Variants in P2RX5 observed in about 807,000 individuals in gnomAD.
P2RX5 encodes the protein purinergic receptor P2X 5, also known as P2X purinoceptor 5.
In P2RX5, 46 loss-of-function variants were observed where a neutral mutation model predicts 54.1. The observed-to-expected ratio is 0.85, with a 90% CI of 0.67 to 1.09. The LOEUF is 1.09. Among genes scored for constraint, P2RX5 ranks in the 50% least tolerant of loss-of-function variants. The pLI is 0.00. For synonymous variants in P2RX5, 226 were observed against 226.4 expected (o/e 1.00, Z 0.02); for missense variants, 566 against 549.8 (o/e 1.03, Z -0.29).
chr17:3,720,370 A>G, the P2RX5 span: 1 of 1,576,108 alleles, frequency 6.3e-7, no homozygotes, highest in Non-Finnish European at 8.7e-7. Context: ...ATATTTCACC[A>G]AGGATCTGCA....
upstream of P2RX5, among the ~76,000 whole-genome samples, chr17:3,699,305 G>A (rs1333518119): frequency 4.6e-5 from 7 of 151,784 alleles, no homozygotes; most frequent in African/African-American, 1.7e-4. Flanking sequence ...TGAGGCAGGA[G>A]GATCACCTGA....
chr17:3,713,741 ACT>A, the P2RX5 span, among the ~76,000 whole-genome samples: 7 of 134,296 alleles, frequency 5.2e-5, no homozygotes, highest in East Asian at 6.0e-4. Flanking sequence ...TAAGAGCAAA[ACT>A]CTGTCTCAAA....
the P2RX5 span, among the ~76,000 whole-genome samples, chr17:3,701,556 G>A: frequency 6.6e-6 from 1 of 151,966 alleles, no homozygotes; most frequent in Admixed American, 6.6e-5. Context: ...GCCCGTCATG[G>A]TGGCGCATGC....
chr17:3,695,855 C>G lies in P2RX5; in HGVS notation c.137+14G>C, dbSNP rs1240219061. ...CCCCTCCCCCGCCTTCCCAAAAGTCCGCGGAGAACTTACACGACCAGGTAC... is the reference window on the plus strand; with the variant it reads ...CCCCTCCCCCGCCTTCCCAAAAGTCGGCGGAGAACTTACACGACCAGGTAC... On this transcript the variant is annotated intron_variant, in intron 1 of 11. Transcript: ENST00000225328. 1 of 1,613,374 alleles carries G rather than the reference C, an allele frequency of 6.2e-7. No individual in the cohort carries two copies. The highest frequency in any genetic ancestry group is 1.1e-5 in the South Asian group (1 of 91,052).
chr17:3,690,375 C>G (rs1344804861), intron 5 of P2RX5, 52 bp downstream of exon 5: 1 of 1,412,868 alleles, frequency 7.1e-7, no homozygotes, highest in African/African-American at 1.4e-5. Flanking sequence ...GGCTGGGACC[C>G]ACCGCACGGG....
chr17:3,703,427 C>T, the P2RX5 span, among the ~76,000 whole-genome samples: 3 of 152,190 alleles, frequency 2.0e-5, no homozygotes, highest in South Asian at 6.2e-4. Context: ...CCTTGGGAGG[C>T]TGAGGTGGGA....
the P2RX5 span, chr17:3,723,186 TTTGGAC>T: frequency 5.9e-6 from 5 of 847,018 alleles, no homozygotes. Context: ...AAAGATCTAT[TTTGGAC>T]ATGGACATGT....
upstream of P2RX5, among the ~76,000 whole-genome samples, chr17:3,697,595 C>T (rs1202319896): frequency 6.6e-6 from 1 of 152,182 alleles, no homozygotes; most frequent in Non-Finnish European, 1.5e-5. Flanking sequence ...AGGAAGGTGT[C>T]CAGTTTCAAA....
chr17:3,699,917 G>GGAAGGAAAGAAAGAAAGAAAA (rs1555571319), upstream of P2RX5, among the ~76,000 whole-genome samples: 1 of 75,512 alleles, frequency 1.3e-5, no homozygotes. Flanking sequence ...AAGGAAGGAA[G>GGAAGGAAAGAAAGAAAGAAAA]GAAAGAAAGA....
At chr17:3,723,009 T>C in the P2RX5 span, among the ~76,000 whole-genome samples, 1 of 152,090 alleles carries the variant, frequency 6.6e-6, no homozygotes, top group Non-Finnish European at 1.5e-5. Flanking sequence ...GTTTAGGATA[T>C]ATTTTGGCCC....
At chr17:3,704,676 T>C in the P2RX5 span, among the ~76,000 whole-genome samples, 2 of 151,406 alleles carry the variant, frequency 1.3e-5, no homozygotes, top group East Asian at 1.9e-4. Context: ...CTTGAAAGAG[T>C]AAAGAGCCAA....
chr17:3,693,447 A>G (rs781725273), intron 1 of P2RX5, among the ~76,000 whole-genome samples: 2 of 152,214 alleles, frequency 1.3e-5, no homozygotes, highest in Non-Finnish European at 2.9e-5. Context: ...CAAGAGATTG[A>G]GAACATGGCC....
At chr17:3,695,561 A>G (rs1287555789) in intron 1 of P2RX5, among the ~76,000 whole-genome samples, 1 of 152,132 alleles carries the variant, frequency 6.6e-6, no homozygotes, top group Non-Finnish European at 1.5e-5. Flanking sequence ...CATGGCCCTA[A>G]CACGTGGGGA....
the P2RX5 span, chr17:3,720,172 A>T: frequency 1.7e-6 from 1 of 581,896 alleles, no homozygotes; most frequent in Non-Finnish European, 3.1e-6. Context: ...AAGGTCACAA[A>T]GGCAGCGATG....
rs760411199 is a variant in P2RX5, at chr17:3,688,087, T to C, written c.906A>G (p.Arg302=). ...GYNFRFARYY[R]DAAGVEFRTL... ...TGCGGAACTCCACCCCGGCTGCGTC[T>C]CGGTAATATCTGGCAAATCTGAGGG... Residue 302 remains arginine (R), a synonymous_variant, in exon 9 of 12, where the codon CGA becomes CGG. Transcript: ENST00000225328. 8.0e-5 allele frequency: 128 copies of C among 1,599,278 alleles called. No homozygotes were observed. The highest frequency in any genetic ancestry group is 1.1e-4 in the Non-Finnish European group (126 of 1,171,214).
chr17:3,702,811 C>T, the P2RX5 span, among the ~76,000 whole-genome samples: 1 of 152,192 alleles, frequency 6.6e-6, no homozygotes, highest in Non-Finnish European at 1.5e-5. Context: ...GGACTATATG[C>T]GTGAGCCACT....
At chr17:3,716,887 G>C in the P2RX5 span, 2 of 741,760 alleles carry the variant, frequency 2.7e-6, no homozygotes, top group Non-Finnish European at 4.7e-6. Context: ...AAAATACGAG[G>C]ACTTGGCAAC....
chr17:3,723,647 C>T, the P2RX5 span: 5 of 1,530,450 alleles, frequency 3.3e-6, no homozygotes, highest in Non-Finnish European at 4.4e-6. Context: ...CCGCTTCAGG[C>T]CCTCCGCCCT....
chr17:3,712,289 A>G, the P2RX5 span, among the ~76,000 whole-genome samples: 9 of 152,350 alleles, frequency 5.9e-5, no homozygotes, highest in African/African-American at 1.7e-4. Flanking sequence ...AACGAAATGA[A>G]GATGATGGAA....
Sources: gnomAD v4.1 joint callset for allele counts (sites outside exome capture counted in the v4.1 genomes callset) on GRCh38, gnomAD v4.1.1 for gene constraint, MANE v1.5 for transcripts, NCBI Gene and HGNC (gene_info 2026-07-23, HGNC 2026-07-21) for gene names.